The following NLGN1 variants were observed in gnomAD, a reference collection of about 807,000 sequenced individuals.
The protein encoded by NLGN1 is neuroligin-1.
In NLGN1, 12 loss-of-function variants were observed where a neutral mutation model predicts 65.5. The observed-to-expected ratio is 0.18, with a 90% CI of 0.12 to 0.30. The LOEUF is 0.30. Ranked by LOEUF, NLGN1 falls within the 10% of genes least tolerant of loss-of-function variation. The pLI, the probability that NLGN1 is intolerant of heterozygous loss-of-function variation, is 1.00. For missense variants in NLGN1, 750 were observed against 1,007.1 expected, an observed-to-expected ratio of 0.74 and a Z score of 3.46; for synonymous variants, 350 against 359.5, an observed-to-expected ratio of 0.97 and a Z score of 0.30.
At chr3:174,098,003 T>G (rs1745845721) in intron 4 of NLGN1, among the ~76,000 whole-genome samples, 1 of 152,222 alleles carries the variant, frequency 6.6e-6, no homozygotes, top group South Asian at 2.1e-4. Flanking sequence ...GTAGCTTCTC[T>G]GCAGTATATC....
chr3:173,462,417 C>CT (rs1723559418), intron 2 of NLGN1, among the ~76,000 whole-genome samples: 1 of 147,106 alleles, frequency 6.8e-6, no homozygotes, highest in African/African-American at 2.5e-5. Context: ...TTTACTACCC[C>CT]CATCCTCCTC....
intron 4 of NLGN1, among the ~76,000 whole-genome samples, chr3:174,143,337 A>C (rs1449230987): frequency 6.6e-6 from 1 of 152,222 alleles, no homozygotes; most frequent in East Asian, 1.9e-4. Flanking sequence ...AGTTTTATTT[A>C]AGAACTTCAT....
chr3:173,518,478 T>C (rs758372119), intron 2 of NLGN1, among the ~76,000 whole-genome samples: 7 of 150,718 alleles, frequency 4.6e-5, no homozygotes, highest in Non-Finnish European at 8.9e-5. Flanking sequence ...TATATACTTA[T>C]ATATTATAAA....
chr3:173,940,504 T>C (rs1319766728), intron 4 of NLGN1, among the ~76,000 whole-genome samples: 2 of 152,218 alleles, frequency 1.3e-5, no homozygotes, highest in Non-Finnish European at 2.9e-5. Flanking sequence ...TCATTTTCTT[T>C]CAAAGCCTTT....
chr3:173,974,785 G>A (rs1311845171), intron 4 of NLGN1, among the ~76,000 whole-genome samples: 2 of 151,994 alleles, frequency 1.3e-5, no homozygotes, highest in Admixed American at 1.3e-4. Context: ...TGTTTTGTCA[G>A]TCCTAGCATA....
chr3:173,688,967 T>G (rs1038855503), intron 3 of NLGN1, among the ~76,000 whole-genome samples: 8 of 152,226 alleles, frequency 5.3e-5, no homozygotes, highest in Non-Finnish European at 1.2e-4. Flanking sequence ...TGTCTGCATT[T>G]AGTCACCTTC....
intron 4 of NLGN1, among the ~76,000 whole-genome samples, chr3:174,027,367 C>G (rs1177152170): frequency 1.3e-5 from 2 of 152,104 alleles, no homozygotes; most frequent in Admixed American, 1.3e-4. Flanking sequence ...ATAGCTATTT[C>G]TGTTTACCAT....
intron 2 of NLGN1, among the ~76,000 whole-genome samples, chr3:173,564,855 G>T (rs1039692170): frequency 6.6e-6 from 1 of 152,190 alleles, no homozygotes; most frequent in African/African-American, 2.4e-5. Context: ...CCTGTGAAGA[G>T]ATCAGCAAGC....
rs75681742 is a variant in NLGN1 at position 173,648,055 on chromosome 3, C to G, written c.493+42964C>G. On this transcript the variant is annotated intron_variant, in intron 3 of 6. Coordinates refer to ENST00000457714, the Ensembl canonical transcript of NLGN1. The stretch of plus-strand genomic sequence containing the variant: ...GGAAAGAAATTGACAATCTGAGTTT[C>G]AAAGTCATATGGAAGTGCAAAGAAC... Among the ~76,000 whole-genome samples, 3 of 151,788 alleles carry G rather than the reference C, an allele frequency of 2.0e-5. No homozygotes were observed. In the East Asian group the frequency reaches 5.8e-4, roughly 29 times the overall value.
intron 2 of NLGN1, among the ~76,000 whole-genome samples, chr3:173,568,910 C>G (rs982759877): frequency 6.6e-6 from 1 of 152,088 alleles, no homozygotes; most frequent in Non-Finnish European, 1.5e-5. Flanking sequence ...GAACTCCTGA[C>G]CTTGTGATCC....
At chr3:174,022,696 C>T (rs906266358) in intron 4 of NLGN1, among the ~76,000 whole-genome samples, 4 of 147,344 alleles carry the variant, frequency 2.7e-5, no homozygotes, top group South Asian at 4.3e-4. Flanking sequence ...TTGGGGAAAT[C>T]GTGGCTCTAG....
In NLGN1 at chr3:173,400,625, ATGATGCTTCCTTCC is replaced by A. The variant is rs534287251; in HGVS notation, c.-390+2141_-390+2154del. Among the ~76,000 whole-genome samples, 742 of 152,232 alleles carry A rather than the reference ATGATGCTTCCTTCC, an allele frequency of 4.9e-3. 7 individuals carry two copies. Among genetic ancestry groups the A allele is most frequent in the African/African-American group, 0.017 (710 of 41,546 alleles). The stretch of plus-strand genomic sequence containing the variant: ...TTCCTTGGGTGGTCTTTCCTTCATC[ATGATGCTTCCTTCC>A]TGTACCCTTACTCTGAGCTCCCACA... On this transcript the variant is annotated intron_variant, in intron 1 of 6. Coordinates refer to ENST00000457714, the Ensembl canonical transcript of NLGN1.
intron 4 of NLGN1, among the ~76,000 whole-genome samples, chr3:173,949,842 C>A (rs1747868675): frequency 6.6e-6 from 1 of 152,100 alleles, no homozygotes; most frequent in African/African-American, 2.4e-5. Context: ...GGATCAATTA[C>A]CTTTATGGCT....
At chr3:174,196,614 C>A (rs9877360) in intron 4 of NLGN1, among the ~76,000 whole-genome samples, 121,010 of 152,122 alleles carry the variant, frequency 0.8, 48,632 homozygotes, top group African/African-American at 0.92. Context: ...CTTAGAGTGA[C>A]CCTTGTTTCT....
chr3:173,762,224 C>T (rs935071437), intron 3 of NLGN1, among the ~76,000 whole-genome samples: 1 of 151,992 alleles, frequency 6.6e-6, no homozygotes, highest in African/African-American at 2.4e-5. Flanking sequence ...ATGATAGATT[C>T]CAGGGACTCA....
intron 4 of NLGN1, among the ~76,000 whole-genome samples, chr3:174,186,455 T>C (rs1291253817): frequency 6.6e-6 from 1 of 152,036 alleles, no homozygotes; most frequent in African/African-American, 2.4e-5. Context: ...TCAGAACAAA[T>C]TGCAAGAGTT....
chr3:173,526,105 C>G (rs1735597081), intron 2 of NLGN1, among the ~76,000 whole-genome samples: 1 of 152,032 alleles, frequency 6.6e-6, no homozygotes, highest in South Asian at 2.1e-4. Flanking sequence ...CTGTAAATAT[C>G]TATTAGATCC....
chr3:173,866,729 C>G (rs1353119908), intron 4 of NLGN1, among the ~76,000 whole-genome samples: 1 of 152,068 alleles, frequency 6.6e-6, no homozygotes, highest in Admixed American at 6.6e-5. Context: ...ACTGAAGGGA[C>G]CAATTTTTCA....
At chr3:173,628,829 G>T (rs1163944204) in intron 3 of NLGN1, among the ~76,000 whole-genome samples, 2 of 151,968 alleles carry the variant, frequency 1.3e-5, no homozygotes, top group African/African-American at 4.8e-5. Context: ...TAACAGCTGG[G>T]ATTAGAGGCG....
Sources: allele counts gnomAD v4.1 joint callset (sites outside exome capture counted in the v4.1 genomes callset), GRCh38; gene constraint gnomAD v4.1.1; transcripts MANE v1.5; gene names NCBI Gene and HGNC (gene_info 2026-07-23, HGNC 2026-07-21).